Variants in CALCRL observed in about 807,000 individuals in gnomAD.
CALCRL encodes calcitonin gene-related peptide type 1 receptor.
CALCRL carries 27 observed loss-of-function variants against 60.4 expected under a neutral mutation model. The observed-to-expected ratio is 0.45, with a 90% CI of 0.33 to 0.62. The LOEUF is 0.62. Ranked by LOEUF, CALCRL falls within the 20% of genes least tolerant of loss-of-function variation. The pLI is 0.03. For synonymous variants in CALCRL, 190 were observed against 182.6 expected, an observed-to-expected ratio of 1.04 and a Z score of -0.33; for missense variants, 424 against 540.7, an observed-to-expected ratio of 0.78 and a Z score of 2.14.
At position 187,378,926 on chromosome 2, in the gene CALCRL, TTA is replaced by T. The variant is rs766931312; in HGVS notation, c.500+12_500+13del. ...CATCTAGTAATTTTCTTAAAATATT[TTA>T]AATTTACTTACTTGAAATAAAAGAA... On this transcript the variant is annotated intron_variant, in intron 8 of 14. Transcript: ENST00000392370. 1 of 1,511,272 alleles carries T rather than the reference TTA, an allele frequency of 6.6e-7. No homozygotes were observed. The highest frequency in any genetic ancestry group is 9.2e-7 in the Non-Finnish European group (1 of 1,092,172). The allele number at this position is 1,511,272 out of a possible 1,614,324, so 93.6% of individuals were successfully genotyped here. A position where few individuals can be genotyped will look rare whatever the true frequency, so the allele number is the denominator to read the frequency against.
intron 10 of CALCRL, among the ~76,000 whole-genome samples, chr2:187,360,114 G>A (rs747119110): frequency 1.3e-5 from 2 of 151,980 alleles, no homozygotes; most frequent in Non-Finnish European, 2.9e-5. Context: ...AGGATATTGT[G>A]TAGAAAAAAT....
At chr2:187,421,406 T>C (rs1320550508) in intron 1 of CALCRL, among the ~76,000 whole-genome samples, 1 of 152,178 alleles carries the variant, frequency 6.6e-6, no homozygotes, top group Non-Finnish European at 1.5e-5. Context: ...CCTGGAAAGT[T>C]CAAGGTGTTT....
Position 187,385,631 on chromosome 2 carries a change from A to G in CALCRL, c.-36T>C, listed in dbSNP as rs771814604. 5 of 1,426,256 alleles carry G rather than the reference A, an allele frequency of 3.5e-6. No individual in the cohort carries two copies. The East Asian group carries it at 1.2e-4, about 33-fold the overall frequency. The allele number at this position is 1,426,256 out of a possible 1,614,324, so 88.4% of individuals were successfully genotyped here. On this transcript the variant is annotated splice_region_variant and 5_prime_UTR_variant, in exon 4 of 15. Coordinates refer to ENST00000392370, the MANE Select transcript of CALCRL (RefSeq NM_005795.6). Reference sequence around the variant, plus strand: ...AAATGAAATATGCTGTATAACATAAACTGCAACAGAAAATAAAAGAAATAT... The same window carrying G: ...AAATGAAATATGCTGTATAACATAAGCTGCAACAGAAAATAAAAGAAATAT...
In CALCRL at chr2:187,351,988, A is replaced by C. The variant is rs774736979; in HGVS notation, c.1129-27T>G. On this transcript the variant is annotated intron_variant, in intron 13 of 14. Transcript: ENST00000392370. ...TGTAAAAGAAAAATAGAATGATCTG[A>C]ATCCAAATGGAAAGATACATGTATT... The C allele has an allele frequency of 8.8e-6, 14 of 1,588,540 alleles. No homozygotes were observed. In the Admixed American group the frequency reaches 2.2e-4, roughly 25 times the overall value.
intron 1 of CALCRL, among the ~76,000 whole-genome samples, chr2:187,395,315 C>T (rs143198181): frequency 6.6e-6 from 1 of 152,070 alleles, no homozygotes; most frequent in Non-Finnish European, 1.5e-5. Flanking sequence ...GCTTAACCAC[C>T]AGTTTTCTCA....
chr2:187,347,737 GAGTTCCTGTTAA>G (rs1686347693), intron 14 of CALCRL, among the ~76,000 whole-genome samples: 1 of 151,692 alleles, frequency 6.6e-6, no homozygotes, highest in South Asian at 2.1e-4. Flanking sequence ...GGATACTTCA[GAGTTCCTGTTAA>G]AGTATCTTAT....
At chr2:187,431,329 T>C (rs1020811148) in intron 1 of CALCRL, 2 of 155,154 alleles carry the variant, frequency 1.3e-5, no homozygotes, top group Non-Finnish European at 2.9e-5. Flanking sequence ...TTTTGACAGA[T>C]GGTAGCACAA....
At chr2:187,428,035 T>G (rs183154929) in intron 1 of CALCRL, among the ~76,000 whole-genome samples, 1 of 152,268 alleles carries the variant, frequency 6.6e-6, no homozygotes, top group East Asian at 1.9e-4. Context: ...CAGGGATCAA[T>G]GCAAAGCAGA....
At chr2:187,370,071 CAATT>C (rs1205224369) in intron 8 of CALCRL, among the ~76,000 whole-genome samples, 5 of 152,150 alleles carry the variant, frequency 3.3e-5, no homozygotes, top group Non-Finnish European at 7.4e-5. Context: ...GCTTTTTTAA[CAATT>C]AATGAAAAAT....
intron 1 of CALCRL, among the ~76,000 whole-genome samples, chr2:187,420,572 A>G (rs1045630064): frequency 3.9e-5 from 6 of 152,126 alleles, no homozygotes; most frequent in Admixed American, 2.0e-4. Context: ...GCCTCATGCA[A>G]CTTATTTGGA....
chr2:187,416,206 T>A (rs1008271031), intron 1 of CALCRL, among the ~76,000 whole-genome samples: 4 of 152,240 alleles, frequency 2.6e-5, no homozygotes, highest in African/African-American at 7.2e-5. Flanking sequence ...ATGTTGTACA[T>A]GATAAATGTG....
intron 1 of CALCRL, among the ~76,000 whole-genome samples, chr2:187,427,796 A>C (rs1290758308): frequency 1.3e-5 from 2 of 152,182 alleles, no homozygotes; most frequent in Non-Finnish European, 2.9e-5. Flanking sequence ...TGAGTGACAA[A>C]AAGAAAGAAT....
intron 1 of CALCRL, among the ~76,000 whole-genome samples, chr2:187,440,451 AT>A (rs1184169467): frequency 6.6e-6 from 1 of 152,188 alleles, no homozygotes; most frequent in African/African-American, 2.4e-5. Flanking sequence ...TTAATGAAAC[AT>A]TGAGATGGAG....
At chr2:187,407,929 G>A (rs1351915686) in intron 1 of CALCRL, among the ~76,000 whole-genome samples, 1 of 152,052 alleles carries the variant, frequency 6.6e-6, no homozygotes, top group African/African-American at 2.4e-5. Context: ...CTTTGCTAAT[G>A]TTCCCACCTC....
intron 1 of CALCRL, among the ~76,000 whole-genome samples, chr2:187,414,488 T>C (rs1641561562): frequency 6.6e-6 from 1 of 152,276 alleles, no homozygotes; most frequent in Middle Eastern, 3.4e-3. Context: ...TCACTTTGCA[T>C]TAAGAGGAGT....
In CALCRL at chr2:187,380,659, A is replaced by C; in HGVS notation, c.295+18T>G. ...AAATAGATGTCAAGGAGATATGTAG[A>C]TACATTTCTGCTTTTACCTGATGGA... On this transcript the variant is annotated intron_variant, in intron 6 of 14. Transcript: ENST00000392370. 1 of 1,577,454 alleles carries C rather than the reference A, an allele frequency of 6.3e-7. No homozygotes were observed. The highest frequency in any genetic ancestry group is 8.7e-7 in the Non-Finnish European group (1 of 1,146,534).
At chr2:187,372,606 A>G (rs1322933676) in intron 8 of CALCRL, among the ~76,000 whole-genome samples, 1 of 152,152 alleles carries the variant, frequency 6.6e-6, no homozygotes, top group Non-Finnish European at 1.5e-5. Context: ...AACAAACAGT[A>G]CCCTAAATCA....
At chr2:187,436,608 G>C (rs995908413) in intron 1 of CALCRL, 2 of 152,160 alleles carry the variant, frequency 1.3e-5, no homozygotes, top group Non-Finnish European at 2.9e-5. Context: ...CATTGTCCCA[G>C]TCGAAAAGGC....
chr2:187,370,531 T>G (rs858758), intron 8 of CALCRL, among the ~76,000 whole-genome samples: 48,255 of 152,056 alleles, frequency 0.32, 7,875 homozygotes, highest in Middle Eastern at 0.41. Context: ...GATTCAGAAT[T>G]TGCATATTTA....
Sources: gnomAD v4.1 joint callset for allele counts (sites outside exome capture counted in the v4.1 genomes callset) on GRCh38, gnomAD v4.1.1 for gene constraint, MANE v1.5 for transcripts, NCBI Gene and HGNC (gene_info 2026-07-23, HGNC 2026-07-21) for gene names.